Variants in AKAP9 observed in about 807,000 individuals in gnomAD.
AKAP9 encodes A-kinase anchoring protein 9, also known as A-kinase anchor protein 9.
AKAP9 carries 311 observed loss-of-function variants against 488.5 expected under a neutral mutation model. That is an observed-to-expected ratio of 0.64 (90% CI 0.58 to 0.70). AKAP9 has a LOEUF of 0.70. Ranked by LOEUF, AKAP9 falls within the 30% of genes least tolerant of loss-of-function variation. The pLI, the probability that AKAP9 is intolerant of heterozygous loss-of-function variation, is 0.00. For synonymous variants in AKAP9, 1,462 were observed against 1,483.5 expected (o/e 0.99, Z 0.33); for missense variants, 4,215 against 4,374.5 (o/e 0.96, Z 1.03).
chr7:92,080,463 T>A (rs1289943190), intron 31 of AKAP9, among the ~76,000 whole-genome samples: 1 of 151,798 alleles, frequency 6.6e-6, no homozygotes, highest in Non-Finnish European at 1.5e-5. Flanking sequence ...CCGGGCGTGG[T>A]GGTGGGTGCC....
chr7:92,106,928 A>G (rs557055724), intron 47 of AKAP9, among the ~76,000 whole-genome samples: 1 of 152,330 alleles, frequency 6.6e-6, no homozygotes, highest in East Asian at 1.9e-4. Context: ...GAATGGTTAC[A>G]TTGGTCTAAT....
rs762203528 is a variant in AKAP9 at position 92,022,960 on chromosome 7, T to A, written c.4099T>A (p.Cys1367Ser). 12 of 1,613,972 alleles carry A rather than the reference T, an allele frequency of 7.4e-6. No individual in the cohort carries two copies. Among genetic ancestry groups the A allele is most frequent in the Non-Finnish European group, 9.3e-6 (11 of 1,179,966 alleles). ...ACAAAACTATGAGGCAGAGATCCACTGTTTACAGAAGAGGCTTCAAGCTGT... is the reference window on the plus strand; with the variant it reads ...ACAAAACTATGAGGCAGAGATCCACAGTTTACAGAAGAGGCTTCAAGCTGT... ...TEQNYEAEIHCLQKRLQAVSE... is the reference protein window; with the variant it reads ...TEQNYEAEIHSLQKRLQAVSE... The change falls in exon 14 of 50, where the codon TGT (cysteine) becomes AGT (serine). Residue 1367 changes from cysteine (C) to serine (S), a missense_variant. Cys to Ser is a moderately radical substitution (Grantham distance 112). Transcript: ENST00000356239.
intron 16 of AKAP9, among the ~76,000 whole-genome samples, chr7:92,036,676 G>A (rs964232052): frequency 2.0e-5 from 3 of 151,842 alleles, no homozygotes; most frequent in Admixed American, 2.0e-4. Flanking sequence ...TAATCCTTTT[G>A]TTCCATGTTA....
At chr7:91,991,567 G>A (rs1246889053) in intron 3 of AKAP9, among the ~76,000 whole-genome samples, 1 of 151,810 alleles carries the variant, frequency 6.6e-6, no homozygotes, top group African/African-American at 2.4e-5. Flanking sequence ...CGCCTCCTGG[G>A]TTCACGCCAT....
At chr7:92,022,527 C>T (rs555692502) in intron 13 of AKAP9, among the ~76,000 whole-genome samples, 175 bp downstream of exon 13, 1 of 152,136 alleles carries the variant, frequency 6.6e-6, no homozygotes, top group South Asian at 2.1e-4. Flanking sequence ...CTATTTGGTC[C>T]TTTCCCCCTT....
At chr7:92,052,307 A>G (rs552573576) in intron 21 of AKAP9, among the ~76,000 whole-genome samples, 6 of 152,204 alleles carry the variant, frequency 3.9e-5, no homozygotes, top group African/African-American at 1.4e-4. Context: ...CTACTCCACA[A>G]TGCCTTTCTT....
At chr7:92,066,371 T>C (rs765730403) in intron 25 of AKAP9, 56 bp from the exon 26 acceptor site, 11 of 1,599,638 alleles carry the variant, frequency 6.9e-6, no homozygotes, top group Admixed American at 1.7e-5. Context: ...TAAGAAATAA[T>C]AGCTTCTCTA....
At chr7:91,976,848 G>A (rs1207874423) in intron 2 of AKAP9, among the ~76,000 whole-genome samples, 6 of 151,576 alleles carry the variant, frequency 4.0e-5, no homozygotes, top group African/African-American at 9.7e-5. Context: ...TAATTTCTTC[G>A]TTTTATTGAT....
rs1483441076 is a variant in AKAP9 at position 92,092,944 on chromosome 7, C to T, written c.9359-153C>T. 1.5e-5 allele frequency: 10 copies of T among 667,320 alleles called. No individual in the cohort carries two copies. In the East Asian group the frequency reaches 2.8e-4, roughly 19 times the overall value. The allele number at this position is 667,320 out of a possible 1,614,324, so 41.3% of individuals were successfully genotyped here. On this transcript the variant is annotated intron_variant, in intron 38 of 49. Coordinates refer to ENST00000356239, the MANE Select transcript of AKAP9 (RefSeq NM_005751.5). ...GGGATTACAGGTGTGAGCCACCATGCCTGGACTGCATTACCAACTCTTGGG... is the reference window on the plus strand; with the variant it reads ...GGGATTACAGGTGTGAGCCACCATGTCTGGACTGCATTACCAACTCTTGGG...
intron 26 of AKAP9, 102 bp from the exon 27 acceptor site, chr7:92,069,928 C>A: frequency 9.7e-7 from 1 of 1,033,768 alleles, no homozygotes; most frequent in Non-Finnish European, 1.4e-6. Flanking sequence ...GATTTTGGAG[C>A]ATTTTGGATT....
intron 3 of AKAP9, among the ~76,000 whole-genome samples, chr7:91,987,441 A>G (rs950142589): frequency 6.6e-6 from 1 of 152,094 alleles, no homozygotes; most frequent in East Asian, 1.9e-4. Flanking sequence ...AGAAGAAAAA[A>G]GATAATTATG....
chr7:92,077,897 T>G, intron 30 of AKAP9, 22 bp downstream of exon 30: 2 of 1,579,402 alleles, frequency 1.3e-6, no homozygotes, highest in Non-Finnish European at 8.7e-7. Context: ...TAAAATTGAT[T>G]ATGAAATTAA....
intron 3 of AKAP9, among the ~76,000 whole-genome samples, chr7:91,991,620 C>T (rs892190021): frequency 2.0e-5 from 3 of 151,980 alleles, no homozygotes; most frequent in South Asian, 2.1e-4. Context: ...TACAGGCACC[C>T]GCCACCACAC....
rs756990151 is a variant in AKAP9 at position 92,040,894 on chromosome 7, C to T, written c.4913C>T (p.Ala1638Val). ...ATTAAGAGACTTAATAGACAATTAG[C>T]CCAGGTAAGGGTCTTGTAGTCCCCT... ...EEIKRLNRQL[A>V]QRSSIDNENL... Residue 1638 changes from alanine (A) to valine (V), a missense_variant, in exon 18 of 50, where the codon GCC (alanine) becomes GTC (valine). Transcript: ENST00000356239. The T allele has an allele frequency of 2.5e-6, 4 of 1,609,662 alleles. No individual in the cohort carries two copies. The Admixed American group carries it at 6.7e-5, about 27-fold the overall frequency.
intron 39 of AKAP9, 113 bp downstream of exon 39, chr7:92,093,429 A>T: frequency 1.1e-6 from 1 of 931,202 alleles, no homozygotes; most frequent in Non-Finnish European, 1.7e-6. Flanking sequence ...ATAGCATGCA[A>T]CTGTTTTTTT....
chr7:92,045,474 C>T (rs1806817302), intron 21 of AKAP9, among the ~76,000 whole-genome samples: 1 of 152,042 alleles, frequency 6.6e-6, no homozygotes, highest in East Asian at 1.9e-4. Flanking sequence ...ATTTCTCCAC[C>T]GATAAAAGAA....
At chr7:91,947,770 G>A (rs1791652903) in intron 1 of AKAP9, among the ~76,000 whole-genome samples, 1 of 152,180 alleles carries the variant, frequency 6.6e-6, no homozygotes, top group African/African-American at 2.4e-5. Flanking sequence ...AGTTCTCTAG[G>A]TGCTAGATAT....
chr7:92,098,167 G>A lies in AKAP9; in HGVS notation c.10666G>A (p.Glu3556Lys), dbSNP rs768981785. 1.2e-6 allele frequency: 2 copies of A among 1,612,698 alleles called. No homozygotes were observed. Among genetic ancestry groups the A allele is most frequent in the East Asian group, 4.5e-5 (2 of 44,846 alleles). Reference sequence around the variant, plus strand: ...CATTTGGGTTCAGGAAAATATTGATGAAATTATTTTACAACTACAGAAATT... The same window carrying A: ...CATTTGGGTTCAGGAAAATATTGATAAAATTATTTTACAACTACAGAAATT... ...DFIWVQENID[E>K]IILQLQKLTG... Residue 3556 changes from glutamate (E) to lysine (K), a missense_variant, in exon 43 of 50, where the codon GAA (glutamate) becomes AAA (lysine). Glu to Lys is a moderately conservative substitution (Grantham distance 56). Around this residue, in one of 5 missense-constraint regions of AKAP9, gnomAD observed 1,476 missense variants for 1,477.4 expected, o/e 1.00. Transcript: ENST00000356239.
intron 12 of AKAP9, among the ~76,000 whole-genome samples, chr7:92,021,882 A>G (rs185125874): frequency 6.6e-6 from 1 of 152,358 alleles, no homozygotes; most frequent in East Asian, 1.9e-4. Context: ...AGTATTGCTA[A>G]TATAAAATTT....
Sources: allele counts gnomAD v4.1 joint callset (sites outside exome capture counted in the v4.1 genomes callset), GRCh38; gene constraint gnomAD v4.1.1; regional missense constraint gnomAD v4.1.1; transcripts MANE v1.5; gene names NCBI Gene and HGNC (gene_info 2026-07-23, HGNC 2026-07-21).